Variants in ADAMTS19 observed in about 807,000 individuals in gnomAD.
ADAMTS19 encodes ADAM metallopeptidase with thrombospondin type 1 motif 19.
Under a neutral mutation model 153.3 loss-of-function variants are expected in ADAMTS19, and 93 were observed. The observed-to-expected ratio is 0.61, with a 90% confidence interval of 0.51 to 0.72. The LOEUF (loss-of-function observed/expected upper bound fraction) is 0.72. ADAMTS19 is among the 30% of genes least tolerant of loss of function. The pLI, the probability that ADAMTS19 is intolerant of heterozygous loss-of-function variation, is 0.00. For missense variants in ADAMTS19, 1,482 were observed against 1,552.1 expected, an observed-to-expected ratio of 0.95 and a Z score of 0.76; for synonymous variants, 600 against 556.6, an observed-to-expected ratio of 1.08 and a Z score of -1.10.
At chr5:129,469,361 G>C (rs1749985762) in intron 2 of ADAMTS19, among the ~76,000 whole-genome samples, 1 of 151,876 alleles carries the variant, frequency 6.6e-6, no homozygotes, top group Non-Finnish European at 1.5e-5. Flanking sequence ...CATCTTTTTT[G>C]GTTTATAAGA....
At position 129,461,758 on chromosome 5, in the gene ADAMTS19, GTAAGCGCCTTCTTTCCCTAGCTCTCCA is replaced by G; in HGVS notation, c.747+3_747+29del. ...TTTCAGCACCTGTGGAGGTGGCCTG[GTAAGCGCCTTCTTTCCCTAGCTCTCCA>G]TTTTCCCCTGCTGCTCCTCTCCTTG... On this transcript the variant is annotated splice_donor_variant and splice_donor_5th_base_variant and intron_variant, in intron 2 of 22. Transcript: ENST00000274487. LOFTEE classifies it high-confidence loss of function. This position sits in a 1 kb window ranked among gnomAD's most constrained non-coding sequence, Gnocchi z 4.6. The G allele has an allele frequency of 6.7e-7, 1 of 1,485,456 alleles. No homozygotes were observed. The highest frequency in any genetic ancestry group is 8.9e-7 in the Non-Finnish European group (1 of 1,125,536). 92.0% of individuals were successfully genotyped at this position (1,485,456 alleles called of 1,614,324 possible). A position where few individuals can be genotyped will look rare whatever the true frequency, so the allele number is the denominator to read the frequency against.
At chr5:129,694,191 T>C (rs1289793199) in intron 18 of ADAMTS19, among the ~76,000 whole-genome samples, 1 of 152,214 alleles carries the variant, frequency 6.6e-6, no homozygotes, top group East Asian at 1.9e-4. Context: ...ATTTAATTTG[T>C]AACAGGGAAT....
intron 4 of ADAMTS19, among the ~76,000 whole-genome samples, chr5:129,527,449 T>C (rs1020029760): frequency 1.1e-4 from 16 of 151,184 alleles, no homozygotes; most frequent in African/African-American, 3.9e-4. Flanking sequence ...TAAAATGCGA[T>C]ATGTGGTAGA....
intron 2 of ADAMTS19, among the ~76,000 whole-genome samples, chr5:129,483,685 T>C (rs1159446914): frequency 6.6e-6 from 1 of 152,182 alleles, no homozygotes; most frequent in African/African-American, 2.4e-5. Context: ...TGTAAGATGC[T>C]CTTCATATGG....
chr5:129,647,695 C>T, intron 11 of ADAMTS19, 70 bp from the exon 12 acceptor site: 4 of 1,546,800 alleles, frequency 2.6e-6, no homozygotes, highest in Non-Finnish European at 3.5e-6. Context: ...ATTCCAGTGA[C>T]ATTATAGGCC....
intron 2 of ADAMTS19, among the ~76,000 whole-genome samples, chr5:129,500,150 G>A (rs1329085701): frequency 1.3e-5 from 2 of 152,062 alleles, no homozygotes; most frequent in African/African-American, 2.4e-5. Context: ...AAATGAATCA[G>A]CCACATGCCC....
Position 129,545,797 on chromosome 5 carries a change from A to C in ADAMTS19, c.1329-6067A>C, listed in dbSNP as rs1356329299. Among the ~76,000 whole-genome samples, 13 of 150,780 alleles carry C rather than the reference A, an allele frequency of 8.6e-5. 3 individuals are homozygous for C. The highest frequency in any genetic ancestry group is 3.0e-4 in the African/African-American group (12 of 40,142). On this transcript the variant is annotated intron_variant, in intron 6 of 22. Coordinates refer to ENST00000274487, the MANE Select transcript of ADAMTS19 (RefSeq NM_133638.6). ...TTTTACACTGTTGGTGGGACTGTAA[A>C]CTAGTTCAACCATTGTGGAAGTCAG...
Position 129,568,652 on chromosome 5 carries a change from G to A in ADAMTS19, c.1372+16745G>A, listed in dbSNP as rs554385866. Among the ~76,000 whole-genome samples, 3 of 151,834 alleles carry A rather than the reference G, an allele frequency of 2.0e-5. No homozygotes were observed. The East Asian group carries it at 5.8e-4, about 30-fold the overall frequency. ...CTGGGTAACATAATGAGACCTTGTT[G>A]CCACAAAAAAAGTTTAAAAATTAGC... On this transcript the variant is annotated intron_variant, in intron 7 of 22. Transcript: ENST00000274487.
rs370783191 is a variant in ADAMTS19 at position 129,551,916 on chromosome 5, G to A, written c.1372+9G>A. 31 of 1,556,686 alleles carry A rather than the reference G, an allele frequency of 2.0e-5. No homozygotes were observed. The highest frequency in any genetic ancestry group is 2.6e-5 in the Non-Finnish European group (30 of 1,152,328). Reference sequence around the variant, plus strand: ...ACCATGTGATACTGTTGGTAAGTGTGAAAATTCTCACACTTTTGGAGTTCT... The same window carrying A: ...ACCATGTGATACTGTTGGTAAGTGTAAAAATTCTCACACTTTTGGAGTTCT... On this transcript the variant is annotated intron_variant, in intron 7 of 22. Coordinates refer to ENST00000274487, the MANE Select transcript of ADAMTS19 (RefSeq NM_133638.6).
intron 20 of ADAMTS19, among the ~76,000 whole-genome samples, chr5:129,702,128 C>T (rs1755894078): frequency 6.6e-6 from 1 of 152,132 alleles, no homozygotes; most frequent in Non-Finnish European, 1.5e-5. Context: ...GGGATTTGAA[C>T]CCAAGGTTGT....
rs1423643676 is a variant in ADAMTS19, at chr5:129,513,329, A to G, written c.913+4087A>G. Among the ~76,000 whole-genome samples the G allele has an allele frequency of 1.1e-4, 17 of 151,716 alleles. 1 individual carries two copies. The highest frequency in any genetic ancestry group is 1.1e-3 in the Admixed American group (16 of 15,184). On this transcript the variant is annotated intron_variant, in intron 3 of 22. Transcript: ENST00000274487. ...CTCTTTCTACCACTTCTGTGTTATTATTATAATAAGAACATTTATTTAGCC... is the reference window on the plus strand; with the variant it reads ...CTCTTTCTACCACTTCTGTGTTATTGTTATAATAAGAACATTTATTTAGCC...
rs140433102 is a variant in ADAMTS19 at position 129,618,951 on chromosome 5, C to G, written c.1479-1667C>G. Among the ~76,000 whole-genome samples the G allele has an allele frequency of 6.0e-3, 905 of 151,980 alleles. 7 individuals are homozygous for G. Among genetic ancestry groups the G allele is most frequent in the African/African-American group, 0.021 (858 of 41,478 alleles). On this transcript the variant is annotated intron_variant, in intron 8 of 22. Coordinates refer to ENST00000274487, the MANE Select transcript of ADAMTS19 (RefSeq NM_133638.6). ...TGATTCAACATTGGTTACAGAGTCTCAAGAATTTGGAGAGTGAACCAAAAG... is the reference window on the plus strand; with the variant it reads ...TGATTCAACATTGGTTACAGAGTCTGAAGAATTTGGAGAGTGAACCAAAAG...
Position 129,620,634 on chromosome 5 carries a change from GA to G in ADAMTS19, c.1496del (p.Asp499AlafsTer60). On this transcript the variant is annotated frameshift_variant, in exon 9 of 23. Transcript: ENST00000274487. LOFTEE classifies it high-confidence loss of function. ...CCAAATCAGCATGGGCATTAACCAT[GA>G]CAATGACCACCCATCGTGTGCTGAT... is the stretch of plus-strand genomic sequence containing the variant. ...EMGHNMGINH[D>X]NDHPSCADGL... 1 of 1,604,502 alleles carries G rather than the reference GA, an allele frequency of 6.2e-7. No individual in the cohort carries two copies.
At chr5:129,638,140 A>T (rs1249159131) in intron 10 of ADAMTS19, among the ~76,000 whole-genome samples, 1 of 152,168 alleles carries the variant, frequency 6.6e-6, no homozygotes, top group Non-Finnish European at 1.5e-5. Context: ...AGAAGAAGTG[A>T]TGCTCTCTTT....
At chr5:129,701,626 A>G in intron 20 of ADAMTS19, 34 bp downstream of exon 20, 1 of 1,606,442 alleles carries the variant, frequency 6.2e-7, no homozygotes, top group Admixed American at 1.7e-5. Flanking sequence ...CCCCATTCCT[A>G]CTCTGACTCC....
intron 5 of ADAMTS19, 70 bp downstream of exon 5, chr5:129,527,901 G>A: frequency 1.0e-6 from 1 of 993,640 alleles, no homozygotes. Flanking sequence ...TTTAAGTAAA[G>A]GGAATGTTAA....
intron 18 of ADAMTS19, 79 bp downstream of exon 18, chr5:129,684,352 A>T (rs1754970092): frequency 2.0e-6 from 3 of 1,514,324 alleles, no homozygotes; most frequent in Non-Finnish European, 2.7e-6. Context: ...GACATATCCA[A>T]AATCCCTAAT....
chr5:129,724,860 A>T (rs183825702), intron 21 of ADAMTS19, among the ~76,000 whole-genome samples: 1 of 152,200 alleles, frequency 6.6e-6, no homozygotes, highest in African/African-American at 2.4e-5. Context: ...TATTATGCAG[A>T]TGGGTTCTCC....
At chr5:129,534,255 C>A (rs10478886) in intron 6 of ADAMTS19, among the ~76,000 whole-genome samples, 1 of 151,922 alleles carries the variant, frequency 6.6e-6, no homozygotes, top group African/African-American at 2.4e-5. Context: ...TCACTAAGGA[C>A]GTGCTTTATG....
Sources: allele counts gnomAD v4.1 joint callset (sites outside exome capture counted in the v4.1 genomes callset), GRCh38; gene constraint gnomAD v4.1.1; non-coding constraint Gnocchi (gnomAD v3.1); transcripts MANE v1.5; gene names NCBI Gene and HGNC (gene_info 2026-07-23, HGNC 2026-07-21).